PDZRN4: variants seen among roughly 807,000 people sequenced by gnomAD.
The protein encoded by PDZRN4 is PDZ domain-containing RING finger protein 4.
Under a neutral mutation model 99.0 loss-of-function variants are expected in PDZRN4, and 70 were observed. The observed-to-expected ratio is 0.71, with a 90% CI of 0.58 to 0.86. The LOEUF (loss-of-function observed/expected upper bound fraction) is 0.86, where lower values mean the gene tolerates loss of function less well. PDZRN4 is among the 40% of genes least tolerant of loss of function. The probability of loss-of-function intolerance (pLI) is 0.00; values close to 1 mark genes in which losing one functional copy is unlikely to be tolerated. For missense variants in PDZRN4, 1,474 were observed against 1,331.2 expected (o/e 1.11, Z -1.67); for synonymous variants, 551 against 501.6 (o/e 1.10, Z -1.32).
At chr12:41,441,200 A>T (rs1952678268) in intron 3 of PDZRN4, among the ~76,000 whole-genome samples, 1 of 152,166 alleles carries the variant, frequency 6.6e-6, no homozygotes, top group Non-Finnish European at 1.5e-5. Context: ...TCTAAATCTC[A>T]TATTGTGATA....
chr12:41,464,988 C>T (rs564125093), intron 3 of PDZRN4, among the ~76,000 whole-genome samples: 1 of 152,008 alleles, frequency 6.6e-6, no homozygotes, highest in African/African-American at 2.4e-5. Context: ...CCACGCCTGG[C>T]TAATTTTTGC....
At chr12:41,397,458 A>G (rs934845395) in intron 3 of PDZRN4, among the ~76,000 whole-genome samples, 2 of 152,174 alleles carry the variant, frequency 1.3e-5, no homozygotes, top group South Asian at 2.1e-4. Flanking sequence ...AAAATGGCCA[A>G]TCAGTAATAA....
At chr12:41,354,528 A>T (rs779170821) in intron 3 of PDZRN4, among the ~76,000 whole-genome samples, 3 of 152,014 alleles carry the variant, frequency 2.0e-5, no homozygotes, top group Non-Finnish European at 4.4e-5. Context: ...CTACATTTAT[A>T]TTATGGGCTG....
At chr12:41,231,893 C>G (rs1364284507) in intron 3 of PDZRN4, among the ~76,000 whole-genome samples, 1 of 151,974 alleles carries the variant, frequency 6.6e-6, no homozygotes, top group South Asian at 2.1e-4. Flanking sequence ...GATCATTATA[C>G]AGTAGCATTT....
At chr12:41,298,968 C>A (rs912984658) in intron 3 of PDZRN4, among the ~76,000 whole-genome samples, 2 of 152,052 alleles carry the variant, frequency 1.3e-5, no homozygotes, top group African/African-American at 4.8e-5. Context: ...CACTGCATCC[C>A]CCTTTGGCCT....
At chr12:41,347,583 T>C (rs1951862532) in intron 3 of PDZRN4, among the ~76,000 whole-genome samples, 1 of 152,140 alleles carries the variant, frequency 6.6e-6, no homozygotes, top group Non-Finnish European at 1.5e-5. Flanking sequence ...ATACTTTTTC[T>C]TATTCTATGG....
At chr12:41,536,074 C>T (rs1006882928) in intron 5 of PDZRN4, among the ~76,000 whole-genome samples, 3 of 152,116 alleles carry the variant, frequency 2.0e-5, no homozygotes, top group Non-Finnish European at 4.4e-5. Context: ...TGTCTCCTGT[C>T]CTTCATGCCC....
chr12:41,403,737 T>G (rs545336158), intron 3 of PDZRN4, among the ~76,000 whole-genome samples: 1 of 152,296 alleles, frequency 6.6e-6, no homozygotes, highest in Non-Finnish European at 1.5e-5. Flanking sequence ...TCTCCTGAAA[T>G]GTTAGGTAAA....
intron 3 of PDZRN4, among the ~76,000 whole-genome samples, chr12:41,232,482 T>C (rs1951034857): frequency 6.6e-6 from 1 of 152,136 alleles, no homozygotes; most frequent in South Asian, 2.1e-4. Flanking sequence ...GTGAAATTTA[T>C]ATGGTTCTAG....
chr12:41,402,791 C>T (rs2121147520), intron 3 of PDZRN4, among the ~76,000 whole-genome samples: 1 of 150,510 alleles, frequency 6.6e-6, no homozygotes, highest in South Asian at 2.1e-4. Context: ...TATAAGAAAA[C>T]AATCCAAAAG....
chr12:41,222,342 C>T (rs1174006587), intron 3 of PDZRN4, among the ~76,000 whole-genome samples: 1 of 152,152 alleles, frequency 6.6e-6, no homozygotes, highest in Non-Finnish European at 1.5e-5. Flanking sequence ...TCCACCTCAC[C>T]TATTTAGACT....
intron 3 of PDZRN4, among the ~76,000 whole-genome samples, chr12:41,393,188 T>C (rs547946372): frequency 8.3e-4 from 127 of 152,348 alleles, no homozygotes; most frequent in Admixed American, 1.4e-3. Flanking sequence ...CTTTTTCCTC[T>C]TTTTAAATCA....
chr12:41,340,170 C>T (rs1432113457), intron 3 of PDZRN4, among the ~76,000 whole-genome samples: 1 of 152,046 alleles, frequency 6.6e-6, no homozygotes, highest in East Asian at 1.9e-4. Context: ...GATTTGGAAG[C>T]AACCTAAGTG....
At chr12:41,405,762 C>G (rs1952343324) in intron 3 of PDZRN4, among the ~76,000 whole-genome samples, 1 of 152,154 alleles carries the variant, frequency 6.6e-6, no homozygotes, top group African/African-American at 2.4e-5. Flanking sequence ...GAATACTACA[C>G]AGCCATAAAG....
At chr12:41,197,925 T>TTTTTTTG (rs1950787585) in intron 3 of PDZRN4, among the ~76,000 whole-genome samples, 1 of 135,042 alleles carries the variant, frequency 7.4e-6, no homozygotes, top group African/African-American at 2.7e-5. Context: ...TCTGGGTTTT[T>TTTTTTTG]TTTTTTGGAG....
intron 3 of PDZRN4, among the ~76,000 whole-genome samples, chr12:41,276,459 T>C (rs1951350590): frequency 6.6e-6 from 1 of 152,062 alleles, no homozygotes; most frequent in Non-Finnish European, 1.5e-5. Context: ...ACGTCATAGT[T>C]CATATATTTA....
chr12:41,261,816 G>A (rs981756040), intron 3 of PDZRN4, among the ~76,000 whole-genome samples: 1 of 152,090 alleles, frequency 6.6e-6, no homozygotes, highest in Non-Finnish European at 1.5e-5. Flanking sequence ...TCTTTTTATT[G>A]TTTTGAAATC....
chr12:41,227,010 G>A (rs1950999490), intron 3 of PDZRN4, among the ~76,000 whole-genome samples: 1 of 152,094 alleles, frequency 6.6e-6, no homozygotes. Flanking sequence ...TTGCAAATAG[G>A]CATATGCATC....
intron 3 of PDZRN4, among the ~76,000 whole-genome samples, chr12:41,295,740 A>G (rs1213995620): frequency 3.3e-5 from 5 of 152,172 alleles, no homozygotes; most frequent in Non-Finnish European, 7.4e-5. Context: ...CATCAGTTTC[A>G]AAAGAGACCC....
Sources: gnomAD v4.1 joint callset for allele counts (sites outside exome capture counted in the v4.1 genomes callset) on GRCh38, gnomAD v4.1.1 for gene constraint, MANE v1.5 for transcripts, NCBI Gene and HGNC (gene_info 2026-07-23, HGNC 2026-07-21) for gene names.